The following CLEC12A variants were observed in gnomAD, a reference collection of about 807,000 sequenced individuals.
The protein encoded by CLEC12A is C-type lectin domain family 12 member A.
Under a neutral mutation model 26.5 loss-of-function variants are expected in CLEC12A, and 22 were observed. That is an observed-to-expected ratio of 0.83 (90% CI 0.59 to 1.19). The LOEUF (loss-of-function observed/expected upper bound fraction) is 1.19. Among genes scored for constraint, CLEC12A ranks in the 50% most tolerant of loss-of-function variants. The pLI is 0.00. For missense variants in CLEC12A, 353 were observed against 315.6 expected (o/e 1.12, Z -0.90); for synonymous variants, 119 against 101.9 (o/e 1.17, Z -1.01).
chr12:10,004,587 G>A, the CLEC12A span, among the ~76,000 whole-genome samples: 31 of 151,572 alleles, frequency 2.0e-4, no homozygotes, highest in East Asian at 5.4e-3. Flanking sequence ...TCATCTCCTC[G>A]TCTGCTCATC....
At chr12:10,004,332 G>A in the CLEC12A span, among the ~76,000 whole-genome samples, 1 of 152,178 alleles carries the variant, frequency 6.6e-6, no homozygotes, top group African/African-American at 2.4e-5. Context: ...CAGAAGAAAC[G>A]GGTCACACAT....
At chr12:9,963,388 C>T (rs556519445) in intron 1 of CLEC12A, among the ~76,000 whole-genome samples, 155 of 147,142 alleles carry the variant, frequency 1.1e-3, no homozygotes, top group Non-Finnish European at 1.7e-3. Flanking sequence ...TTTTGGAGGA[C>T]AACTGCAGCT....
the CLEC12A span, among the ~76,000 whole-genome samples, chr12:10,001,507 C>T: frequency 6.6e-6 from 1 of 152,196 alleles, no homozygotes; most frequent in Non-Finnish European, 1.5e-5. Context: ...TATACGTTTG[C>T]CTTTCTGTGT....
downstream of CLEC12A, chr12:9,986,162 G>A: frequency 4.4e-6 from 2 of 454,926 alleles, no homozygotes; most frequent in South Asian, 3.1e-5. Flanking sequence ...GGTTTTCCTG[G>A]AAGTAAAACA....
At chr12:9,996,882 A>C (rs374690524), downstream of CLEC12A, 5 of 1,613,978 alleles carry the variant, frequency 3.1e-6, no homozygotes, top group African/African-American at 1.3e-5. Context: ...GGAGAGTAGC[A>C]TTCATGTCAG....
At chr12:9,982,316 T>C (rs929132141) in intron 5 of CLEC12A, among the ~76,000 whole-genome samples, 187 bp downstream of exon 5, 1 of 152,070 alleles carries the variant, frequency 6.6e-6, no homozygotes, top group African/African-American at 2.4e-5. Context: ...TCTCATAATT[T>C]TGACAAGTAA....
At chr12:9,963,169 A>T (rs1863868228) in intron 1 of CLEC12A, among the ~76,000 whole-genome samples, 1 of 152,164 alleles carries the variant, frequency 6.6e-6, no homozygotes, top group African/African-American at 2.4e-5. Context: ...AGGACTAAGA[A>T]TTGGGAGGAC....
At chr12:9,992,524 C>T (rs114107563) in intron 4 of CLEC12A, 4 of 152,080 alleles carry the variant, frequency 2.6e-5, no homozygotes, top group African/African-American at 7.2e-5. Context: ...TCATAGTGTT[C>T]GCTTTCATGG....
chr12:9,999,051 G>C (rs778042482), downstream of CLEC12A: 8 of 1,601,838 alleles, frequency 5.0e-6, no homozygotes, highest in South Asian at 7.8e-5. Context: ...GATGAGAGCT[G>C]GTTTCCGAGT....
At chr12:9,993,286 A>G in intron 4 of CLEC12A, 2 of 1,610,584 alleles carry the variant, frequency 1.2e-6, no homozygotes, top group South Asian at 2.2e-5. Flanking sequence ...AAAAACTCAA[A>G]CCTGTGAAGG....
chr12:9,983,086 T>C (rs1352415651), intron 5 of CLEC12A, among the ~76,000 whole-genome samples: 5 of 152,182 alleles, frequency 3.3e-5, no homozygotes, highest in Non-Finnish European at 7.4e-5. Context: ...TCCATGACTT[T>C]GCTATTGTAA....
chr12:9,951,377 C>CAAAAGACTGT (rs1352118179), intron 1 of CLEC12A: 13 of 702,818 alleles, frequency 1.8e-5, no homozygotes, highest in Middle Eastern at 4.6e-4. Context: ...TTTGTGGATA[C>CAAAAGACTGT]CGACAGTGGG....
Position 9,985,020 on chromosome 12 carries a change from G to C in CLEC12A, c.792G>C (p.Glu264Asp). 1 of 1,515,002 alleles carries C rather than the reference G, an allele frequency of 6.6e-7. No individual in the cohort carries two copies. Among genetic ancestry groups the C allele is most frequent in the African/African-American group, 1.4e-5 (1 of 71,588 alleles). 93.8% of individuals were successfully genotyped at this position (1,515,002 alleles called of 1,614,324 possible). ...AGCTTGGTTCTACATATTTTAGGGA[G>C]GCATGAGGCATCAATCAAATACATT... ...PVQLGSTYFR[E>D]A Residue 264 changes from glutamate (E) to aspartate (D), a missense_variant, in exon 6 of 6, where the codon GAG becomes GAC. By Grantham distance (45) the Glu-to-Asp change is conservative. Coordinates refer to ENST00000304361, the MANE Select transcript of CLEC12A (RefSeq NM_138337.6).
At chr12:9,995,262 A>G (rs1865012403) in exon 5 of CLEC12A, 1 of 1,590,814 alleles carries the variant, frequency 6.3e-7, no homozygotes, top group Non-Finnish European at 8.6e-7. Flanking sequence ...GTAAACATAA[A>G]TAAACACAAT....
intron 1 of CLEC12A, among the ~76,000 whole-genome samples, chr12:9,976,233 C>T (rs1482730430): frequency 6.6e-6 from 1 of 152,184 alleles, no homozygotes; most frequent in Non-Finnish European, 1.5e-5. Flanking sequence ...ATGGTAGATC[C>T]ACTGACAGCA....
At chr12:9,993,080 T>C in intron 4 of CLEC12A, 1 of 1,475,180 alleles carries the variant, frequency 6.8e-7, no homozygotes, top group African/African-American at 1.4e-5. Flanking sequence ...ACTGATGCAT[T>C]CATACATATC....
At chr12:9,975,551 C>T (rs545677) in intron 1 of CLEC12A, among the ~76,000 whole-genome samples, 105,762 of 152,116 alleles carry the variant, frequency 0.7, 37,156 homozygotes, top group East Asian at 0.9. Flanking sequence ...GCATTAAAGA[C>T]GTGACTCGGG....
intron 1 of CLEC12A, among the ~76,000 whole-genome samples, chr12:9,973,282 G>C (rs1864199546): frequency 6.6e-6 from 1 of 151,686 alleles, no homozygotes; most frequent in Admixed American, 6.6e-5. Flanking sequence ...GGAAAGTAGA[G>C]ATATGCCATG....
intron 1 of CLEC12A, among the ~76,000 whole-genome samples, chr12:9,973,752 A>G (rs565252868): frequency 9.9e-5 from 15 of 151,916 alleles, no homozygotes; most frequent in African/African-American, 3.6e-4. Context: ...ACGGCTCCTC[A>G]TTTTGCTCTG....
Sources: allele counts gnomAD v4.1 joint callset (sites outside exome capture counted in the v4.1 genomes callset), GRCh38; gene constraint gnomAD v4.1.1; transcripts MANE v1.5; gene names NCBI Gene and HGNC (gene_info 2026-07-23, HGNC 2026-07-21).